EPHX1: variants seen among roughly 807,000 people sequenced by gnomAD.
EPHX1 encodes the protein epoxide hydrolase 1, also known as epoxide hydratase.
In EPHX1, 40 loss-of-function variants were observed where a neutral mutation model predicts 43.2. The ratio of observed to expected loss-of-function variants is 0.93; its 90% confidence interval spans 0.72 to 1.21. The LOEUF is 1.21. Among genes scored for constraint, EPHX1 ranks in the 50% most tolerant of loss-of-function variants. The probability of loss-of-function intolerance (pLI) is 0.00; values close to 1 mark genes in which losing one functional copy is unlikely to be tolerated. For synonymous variants in EPHX1, 221 were observed against 226.7 expected (o/e 0.98, Z 0.22); for missense variants, 550 against 570.4 (o/e 0.96, Z 0.36).
chr1:225,819,305 T>A (rs1054639075), intron 1 of EPHX1, among the ~76,000 whole-genome samples: 1 of 150,420 alleles, frequency 6.6e-6, no homozygotes, highest in African/African-American at 2.5e-5. Context: ...CTCAGGAGAC[T>A]GAGGCAGGAG....
chr1:225,842,507 C>A, intron 7 of EPHX1, 33 bp downstream of exon 7: 1 of 1,498,392 alleles, frequency 6.7e-7, no homozygotes, highest in Non-Finnish European at 9.3e-7. Flanking sequence ...CAGTCATGAC[C>A]CTGGTCCCAG....
chr1:225,837,586 C>T (rs1559023753), intron 3 of EPHX1, among the ~76,000 whole-genome samples: 13 of 151,784 alleles, frequency 8.6e-5, no homozygotes. Context: ...GGTGTGATCT[C>T]GGCTCAGTGC....
At chr1:225,836,137 G>A (rs543788593) in intron 3 of EPHX1, among the ~76,000 whole-genome samples, 128 of 152,298 alleles carry the variant, frequency 8.4e-4, no homozygotes, top group African/African-American at 3.1e-3. Context: ...TAAAAAGTTT[G>A]AACTGTCACA....
chr1:225,831,419 C>T (rs990539369), intron 2 of EPHX1, among the ~76,000 whole-genome samples: 3 of 151,962 alleles, frequency 2.0e-5, no homozygotes, highest in African/African-American at 7.3e-5. Context: ...CATGGTGGCT[C>T]ACACCTGTAA....
At chr1:225,820,427 T>A (rs1575986050) in intron 1 of EPHX1, among the ~76,000 whole-genome samples, 1 of 152,178 alleles carries the variant, frequency 6.6e-6, no homozygotes, top group Admixed American at 6.5e-5. Flanking sequence ...CAGCATGTAA[T>A]TTACAGAAGG....
At chr1:225,832,917 C>T (rs147990164) in intron 3 of EPHX1, among the ~76,000 whole-genome samples, 19 of 152,288 alleles carry the variant, frequency 1.2e-4, no homozygotes, top group African/African-American at 4.6e-4. Flanking sequence ...TTTAGGAGTT[C>T]TCTATATATT....
chr1:225,837,413 T>A (rs1668024122), intron 3 of EPHX1, among the ~76,000 whole-genome samples: 2 of 152,204 alleles, frequency 1.3e-5, no homozygotes, highest in Non-Finnish European at 2.9e-5. Flanking sequence ...CTTCTTTTGA[T>A]ATGCAGAGGC....
At chr1:225,821,138 T>C (rs764120160) in intron 1 of EPHX1, among the ~76,000 whole-genome samples, 1 of 152,254 alleles carries the variant, frequency 6.6e-6, no homozygotes, top group Non-Finnish European at 1.5e-5. Context: ...TTGTATGTTT[T>C]AAAACTTGAC....
intron 1 of EPHX1, 62 bp from the exon 2 acceptor site, chr1:225,828,663 T>C: frequency 6.3e-7 from 1 of 1,578,918 alleles, no homozygotes; most frequent in Non-Finnish European, 8.7e-7. Flanking sequence ...GATCAGAGTC[T>C]CTGGGCTGTC....
At chr1:225,821,708 GCACCACCAT>G (rs929527578) in intron 1 of EPHX1, among the ~76,000 whole-genome samples, 4 of 150,172 alleles carry the variant, frequency 2.7e-5, no homozygotes, top group Admixed American at 1.3e-4. Flanking sequence ...CCTCAGGCAT[GCACCACCAT>G]GCCTGGCTAA....
chr1:225,816,545 C>T (rs1008117946), intron 1 of EPHX1, among the ~76,000 whole-genome samples: 9 of 152,176 alleles, frequency 5.9e-5, no homozygotes, highest in African/African-American at 1.7e-4. Context: ...CTCATGAGCC[C>T]TGCAGCATGT....
intron 1 of EPHX1, among the ~76,000 whole-genome samples, chr1:225,816,827 G>A (rs1023901380): frequency 1.1e-4 from 17 of 152,282 alleles, no homozygotes; most frequent in South Asian, 2.1e-4. Flanking sequence ...GGGCTGGCTC[G>A]GGGCTCCCTC....
At chr1:225,834,677 G>C (rs1187509575) in intron 3 of EPHX1, among the ~76,000 whole-genome samples, 2 of 150,836 alleles carry the variant, frequency 1.3e-5, no homozygotes, top group East Asian at 3.9e-4. Flanking sequence ...ACAGTAATTT[G>C]ATATCTTCTA....
chr1:225,829,781 T>A (rs953033523), intron 2 of EPHX1, among the ~76,000 whole-genome samples: 3 of 151,986 alleles, frequency 2.0e-5, no homozygotes, highest in Non-Finnish European at 4.4e-5. Context: ...GACTAAAAGA[T>A]AAATAAAGAT....
At chr1:225,839,401 G>GTT in intron 5 of EPHX1, 55 bp downstream of exon 5, 2 of 1,583,034 alleles carry the variant, frequency 1.3e-6, no homozygotes, top group Non-Finnish European at 8.6e-7. Context: ...GTGTGTGTGT[G>GTT]TCCTCTAAGA....
chr1:225,838,586 G>A (rs983295473), intron 3 of EPHX1, 68 bp from the exon 4 acceptor site: 7 of 1,385,544 alleles, frequency 5.1e-6, no homozygotes, highest in Non-Finnish European at 7.1e-6. Context: ...AGGCTCTGGG[G>A]GGTGCCAGAG....
At chr1:225,824,684 G>C (rs1037165617) in intron 1 of EPHX1, among the ~76,000 whole-genome samples, 1 of 152,232 alleles carries the variant, frequency 6.6e-6, no homozygotes, top group South Asian at 2.1e-4. Flanking sequence ...AAAGCAGACG[G>C]GGGGGTGTGG....
In EPHX1 at chr1:225,838,872, T is replaced by C. The variant is rs140788022; in HGVS notation, c.583T>C (p.Ser195Pro). The change falls in exon 4 of 9, where the codon TCC becomes CCC. Residue 195 changes from serine to proline, a missense_variant. Transcript: ENST00000272167. ...IPGYGFSEAS[S>P]KKGFNSVATA... ...TGGCTATGGCTTCTCAGAGGCATCC[T>C]CCAAGAAGGGTACGGGGCTGCTAGA... 7.5e-4 allele frequency: 1,215 copies of C among 1,614,112 alleles called. 5 individuals carry two copies. The African/African-American group carries it at 0.012, about 16-fold the overall frequency.
Position 225,831,560 on chromosome 1 carries a change from GAAAA to G in EPHX1, c.184-216_184-213del, listed in dbSNP as rs757569759. ...AGACCCTATCTCAAAAAAAAAAAAAGAAAAAAGAAAAAAGAAATGCGAAGTCTAC... is the reference window on the plus strand; with the variant it reads ...AGACCCTATCTCAAAAAAAAAAAAAGAAGAAAAAAGAAATGCGAAGTCTAC... On this transcript the variant is annotated intron_variant, in intron 2 of 8. Transcript: ENST00000272167. Among the ~76,000 whole-genome samples, 4,571 of 75,456 alleles carry G rather than the reference GAAAA, an allele frequency of 0.061. 101 individuals are homozygous for G. Among genetic ancestry groups the G allele is most frequent in the Non-Finnish European group, 0.089 (3,264 of 36,708 alleles). 49.5% of individuals were successfully genotyped at this position (75,456 alleles called of 152,430 possible). A position where few individuals can be genotyped will look rare whatever the true frequency, so the allele number is the denominator to read the frequency against.
Sources: gnomAD v4.1 joint callset for allele counts (sites outside exome capture counted in the v4.1 genomes callset) on GRCh38, gnomAD v4.1.1 for gene constraint, MANE v1.5 for transcripts, NCBI Gene and HGNC (gene_info 2026-07-23, HGNC 2026-07-21) for gene names.